Variants in SCN1A observed in about 807,000 individuals in gnomAD.
SCN1A encodes sodium voltage-gated channel alpha subunit 1, also known as sodium channel protein type 1 subunit alpha.
SCN1A carries 13 observed loss-of-function variants against 193.7 expected under a neutral mutation model. The observed-to-expected ratio is 0.07, with a 90% confidence interval of 0.04 to 0.11. The LOEUF (loss-of-function observed/expected upper bound fraction) is 0.11, where lower values mean the gene tolerates loss of function less well. Among genes scored for constraint, SCN1A ranks in the 10% least tolerant of loss-of-function variants. SCN1A has a pLI of 1.00. For synonymous variants in SCN1A, 781 were observed against 843.6 expected (o/e 0.93, Z 1.29); for missense variants, 1,432 against 2,451.1 (o/e 0.58, Z 8.78).
At chr2:166,115,008 A>G (rs1317408094) in intron 2 of SCN1A, among the ~76,000 whole-genome samples, 2 of 152,204 alleles carry the variant, frequency 1.3e-5, no homozygotes, top group African/African-American at 2.4e-5. Flanking sequence ...AATGCATTCC[A>G]TAACTATAAA....
At chr2:166,119,766 A>T (rs900494484) in intron 2 of SCN1A, among the ~76,000 whole-genome samples, 3 of 152,128 alleles carry the variant, frequency 2.0e-5, no homozygotes, top group Non-Finnish European at 4.4e-5. Flanking sequence ...AATATTCCAA[A>T]AGACAAAATA....
chr2:166,012,116 A>G lies in SCN1A; in HGVS notation c.3872T>C (p.Ile1291Thr). 1 of 1,609,804 alleles carries G rather than the reference A, an allele frequency of 6.2e-7. No homozygotes were observed. The highest frequency in any genetic ancestry group is 8.5e-7 in the Non-Finnish European group (1 of 1,176,874). Residue 1291 changes from isoleucine (I) to threonine (T), a missense_variant, in exon 22 of 29, where the codon ATT (isoleucine) becomes ACT (threonine). Physicochemically the swap from Ile to Thr is moderately conservative, Grantham distance 89. Coordinates refer to ENST00000674923, the MANE Select transcript of SCN1A (RefSeq NM_001165963.4). Reference sequence around the variant, plus strand: ...AATATGAACGATACCTACATCAACAATTAAGAAGTCCAGCCAACACCAGGC... The same window carrying G: ...AATATGAACGATACCTACATCAACAGTTAAGAAGTCCAGCCAACACCAGGC... The part of the protein sequence containing the change: ...TNAWCWLDFL[I>T]VDVSLVSLTA...
At chr2:166,136,829 G>C (rs1691878326) in intron 1 of SCN1A, among the ~76,000 whole-genome samples, 2 of 152,096 alleles carry the variant, frequency 1.3e-5, no homozygotes, top group Admixed American at 1.3e-4. Context: ...CCAACTGAGA[G>C]GTTTAACTAA....
Position 166,012,228 on chromosome 2 carries a change from A to G in SCN1A, c.3760T>C (p.Tyr1254His), listed in dbSNP as rs1475198821. The change falls in exon 22 of 29, where the codon TAT becomes CAT. Residue 1254 changes from tyrosine (Y) to histidine (H), a missense_variant. Around this residue, in one of 18 missense-constraint regions of SCN1A, gnomAD observed 107 missense variants for 259.4 expected, o/e 0.41. Transcript: ENST00000674923. ...ATGTAAGTGAAAACCTTGTCAGCAT[A>G]TTCCAACATCGTCTTAATCGTCTTT... ...QRKTIKTMLE[Y>H]ADKVFTYIFI... The G allele has an allele frequency of 6.2e-6, 10 of 1,610,204 alleles. No individual in the cohort carries two copies. Among genetic ancestry groups the G allele is most frequent in the Non-Finnish European group, 8.5e-6 (10 of 1,177,432 alleles).
intron 19 of SCN1A, among the ~76,000 whole-genome samples, chr2:166,020,259 C>T (rs1693864863): frequency 6.6e-6 from 1 of 152,104 alleles, no homozygotes; most frequent in African/African-American, 2.4e-5. Context: ...GTGATTTTTC[C>T]TCCCATCATT....
At chr2:166,028,659 G>A (rs966298424) in intron 19 of SCN1A, among the ~76,000 whole-genome samples, 12 of 152,080 alleles carry the variant, frequency 7.9e-5, no homozygotes, top group African/African-American at 2.4e-4. Context: ...AACGTTTGGC[G>A]TATGCTTATT....
chr2:165,989,156 A>G lies in SCN1A; in HGVS notation c.*2089T>C, dbSNP rs1371206451. 1 of 152,492 alleles carries G rather than the reference A, an allele frequency of 6.6e-6. No homozygotes were observed. The highest frequency in any genetic ancestry group is 1.5e-5 in the Non-Finnish European group (1 of 68,010). The allele number at this position is 152,492 out of a possible 1,614,324, so 9.4% of individuals were successfully genotyped here. A position where few individuals can be genotyped will look rare whatever the true frequency, so the allele number is the denominator to read the frequency against. On this transcript the variant is annotated 3_prime_UTR_variant, in exon 29 of 29. Coordinates refer to ENST00000674923, the MANE Select transcript of SCN1A (RefSeq NM_001165963.4). Reference sequence around the variant, plus strand: ...CTGTTAACAAAAAGTGACTGGGCAAACAATAAAATAAAAAATGTAATCTTT... The same window carrying G: ...CTGTTAACAAAAAGTGACTGGGCAAGCAATAAAATAAAAAATGTAATCTTT...
intron 27 of SCN1A, among the ~76,000 whole-genome samples, chr2:165,995,020 A>T (rs1321058640): frequency 2.0e-5 from 3 of 151,898 alleles, no homozygotes; most frequent in Non-Finnish European, 4.4e-5. Context: ...GACCAGAATG[A>T]CATTTCCTAT....
intron 4 of SCN1A, among the ~76,000 whole-genome samples, chr2:166,070,355 C>T (rs1308498194): frequency 8.5e-5 from 13 of 152,152 alleles, no homozygotes; most frequent in African/African-American, 4.8e-5. Context: ...CATGAGTATA[C>T]CTTACCTTGG....
At chr2:166,115,763 G>A (rs1331376753) in intron 2 of SCN1A, among the ~76,000 whole-genome samples, 1 of 152,138 alleles carries the variant, frequency 6.6e-6, no homozygotes, top group Admixed American at 6.6e-5. Context: ...ACCGAAAACG[G>A]AAGTAGGCAG....
chr2:166,072,363 C>A (rs747831619), intron 4 of SCN1A, among the ~76,000 whole-genome samples: 2 of 151,964 alleles, frequency 1.3e-5, no homozygotes, highest in Non-Finnish European at 2.9e-5. Context: ...TCATAATGAA[C>A]GGTTGGATGC....
chr2:166,001,768 AT>A (rs1690882370), intron 24 of SCN1A, among the ~76,000 whole-genome samples: 1 of 151,070 alleles, frequency 6.6e-6, no homozygotes, highest in Non-Finnish European at 1.5e-5. Flanking sequence ...AAACATTAAT[AT>A]TTAGGACAAA....
chr2:166,079,824 T>C (rs1207939820), intron 2 of SCN1A, among the ~76,000 whole-genome samples: 2 of 151,520 alleles, frequency 1.3e-5, no homozygotes, highest in Non-Finnish European at 3.0e-5. Flanking sequence ...GATACAGGAA[T>C]TATATTCATA....
chr2:166,024,151 AG>A (rs1009196890), intron 19 of SCN1A, among the ~76,000 whole-genome samples: 1 of 151,886 alleles, frequency 6.6e-6, no homozygotes, highest in African/African-American at 2.4e-5. Context: ...GCTTGAGCCC[AG>A]GAGGTTGAGG....
intron 2 of SCN1A, among the ~76,000 whole-genome samples, chr2:166,103,307 C>T (rs905655532): frequency 2.0e-5 from 3 of 151,842 alleles, no homozygotes; most frequent in East Asian, 1.9e-4. Context: ...AAAATTTAGC[C>T]GGGCATGGTG....
At chr2:166,015,448 A>C (rs1265815403) in intron 20 of SCN1A, among the ~76,000 whole-genome samples, 159 bp downstream of exon 20, 1 of 151,944 alleles carries the variant, frequency 6.6e-6, no homozygotes, top group Non-Finnish European at 1.5e-5. Context: ...AAAGCATGAC[A>C]CTAGACTTTA....
At chr2:165,999,546 A>G (rs1690538865) in intron 25 of SCN1A, among the ~76,000 whole-genome samples, 177 bp downstream of exon 25, 1 of 151,678 alleles carries the variant, frequency 6.6e-6, no homozygotes, top group South Asian at 2.1e-4. Context: ...GTGTTGAATT[A>G]TCTTAGTAAG....
At chr2:166,135,642 A>C (rs1482983948) in intron 1 of SCN1A, among the ~76,000 whole-genome samples, 1 of 152,232 alleles carries the variant, frequency 6.6e-6, no homozygotes, top group South Asian at 2.1e-4. Flanking sequence ...TCCTTGAGAA[A>C]AGCAAGAATT....
intron 2 of SCN1A, among the ~76,000 whole-genome samples, chr2:166,086,696 G>T (rs1686158839): frequency 6.6e-6 from 1 of 152,142 alleles, no homozygotes; most frequent in South Asian, 2.1e-4. Context: ...CCAAATTTAT[G>T]AACCTCATCA....
Sources: gnomAD v4.1 joint callset for allele counts (sites outside exome capture counted in the v4.1 genomes callset) on GRCh38, gnomAD v4.1.1 for gene constraint, gnomAD v4.1.1 regional missense constraint, MANE v1.5 for transcripts, NCBI Gene and HGNC (gene_info 2026-07-23, HGNC 2026-07-21) for gene names.